The following ANKS1B variants were observed in gnomAD, a reference collection of about 807,000 sequenced individuals.
ANKS1B encodes the protein ankyrin repeat and sterile alpha motif domain containing 1B.
A neutral mutation model predicts 148.3 loss-of-function variants in ANKS1B; 36 were observed. The observed-to-expected ratio is 0.24, with a 90% CI of 0.19 to 0.32. The LOEUF (loss-of-function observed/expected upper bound fraction) is 0.32. Ranked by LOEUF, ANKS1B falls within the 10% of genes least tolerant of loss-of-function variation. The pLI, the probability that ANKS1B is intolerant of heterozygous loss-of-function variation, is 1.00. For synonymous variants in ANKS1B, 542 were observed against 560.8 expected (o/e 0.97, Z 0.47); for missense variants, 1,157 against 1,542.6 (o/e 0.75, Z 4.19).
chr12:98,895,314 C>T (rs1000686172), intron 17 of ANKS1B: 97 of 985,252 alleles, frequency 9.8e-5, no homozygotes, highest in Non-Finnish European at 1.1e-4. Flanking sequence ...CCTCCGCCGC[C>T]CCCTCCGCGC....
chr12:99,627,406 C>CA (rs1203665520), intron 9 of ANKS1B, among the ~76,000 whole-genome samples: 1 of 152,142 alleles, frequency 6.6e-6, no homozygotes, highest in African/African-American at 2.4e-5. Context: ...TGACAATTAT[C>CA]AGTTCATTTA....
chr12:99,306,500 G>A (rs762145891), intron 12 of ANKS1B, among the ~76,000 whole-genome samples: 1 of 151,954 alleles, frequency 6.6e-6, no homozygotes, highest in Non-Finnish European at 1.5e-5. Flanking sequence ...AAGGGTATTT[G>A]GAGCCCTTCA....
In ANKS1B at chr12:99,855,385, T is replaced by C. The variant is rs1002015592; in HGVS notation, c.135-29996A>G. ...TCACAATCCTAAATATATATGCACC[T>C]AACACTGGAGATCCCAAATTTATGA... On this transcript the variant is annotated intron_variant, in intron 1 of 26. Coordinates refer to ENST00000683438, the MANE Select transcript of ANKS1B (RefSeq NM_001352186.2). Among the ~76,000 whole-genome samples the C allele has an allele frequency of 3.5e-4, 53 of 152,088 alleles. 1 individual carries two copies. Among genetic ancestry groups the C allele is most frequent in the Admixed American group, 5.2e-4 (8 of 15,258 alleles).
chr12:99,690,930 T>G (rs915109631), intron 8 of ANKS1B, among the ~76,000 whole-genome samples: 2 of 152,218 alleles, frequency 1.3e-5, no homozygotes, highest in African/African-American at 4.8e-5. Flanking sequence ...ATAAGGGCTC[T>G]GCCCCTGTAG....
At chr12:99,865,786 A>G (rs1603396692) in intron 1 of ANKS1B, among the ~76,000 whole-genome samples, 2 of 152,276 alleles carry the variant, frequency 1.3e-5, no homozygotes, top group East Asian at 3.9e-4. Flanking sequence ...ACTTAAACCT[A>G]TGCCTCAGTC....
chr12:98,919,168 AT>A (rs1257799066), intron 17 of ANKS1B, among the ~76,000 whole-genome samples: 2 of 152,252 alleles, frequency 1.3e-5, no homozygotes, highest in South Asian at 2.1e-4. Context: ...CTTTTGGAAA[AT>A]GTTTTTGCTT....
At chr12:99,059,896 C>T (rs911130966) in intron 16 of ANKS1B, among the ~76,000 whole-genome samples, 1 of 151,308 alleles carries the variant, frequency 6.6e-6, no homozygotes, top group Admixed American at 6.6e-5. Context: ...TGACTGCATT[C>T]TCAAATTAGC....
intron 14 of ANKS1B, among the ~76,000 whole-genome samples, chr12:99,163,213 T>C (rs2076855595): frequency 6.6e-6 from 1 of 152,210 alleles, no homozygotes; most frequent in Admixed American, 6.6e-5. Context: ...ATTCAGTTCT[T>C]TGCCTGATAT....
chr12:99,341,929 A>C (rs1204567953), intron 12 of ANKS1B, among the ~76,000 whole-genome samples: 1 of 152,158 alleles, frequency 6.6e-6, no homozygotes, highest in Admixed American at 6.6e-5. Flanking sequence ...TCCTTAGAAG[A>C]ATATGAGTGA....
chr12:99,834,437 T>C (rs2084508051), intron 1 of ANKS1B, among the ~76,000 whole-genome samples: 1 of 152,204 alleles, frequency 6.6e-6, no homozygotes, highest in Non-Finnish European at 1.5e-5. Flanking sequence ...TCAGACAATA[T>C]GGGGTTGCCA....
intron 25 of ANKS1B, among the ~76,000 whole-genome samples, chr12:98,761,909 T>C (rs1011783601): frequency 1.3e-5 from 2 of 152,200 alleles, no homozygotes; most frequent in African/African-American, 4.8e-5. Flanking sequence ...TGACCTGCCT[T>C]GCAGTGCTTT....
chr12:99,457,364 GA>G (rs113378624), intron 10 of ANKS1B, among the ~76,000 whole-genome samples: 2 of 148,174 alleles, frequency 1.3e-5, no homozygotes, highest in East Asian at 2.0e-4. Flanking sequence ...ACAACACTAT[GA>G]AAAAAAAACC....
At chr12:99,683,682 CA>C (rs1290833493) in intron 8 of ANKS1B, among the ~76,000 whole-genome samples, 1 of 151,898 alleles carries the variant, frequency 6.6e-6, no homozygotes, top group South Asian at 2.1e-4. Context: ...CAAAAGAAAA[CA>C]AAAAACCAAT....
chr12:99,483,068 T>TTGTTCC (rs1418882693), intron 10 of ANKS1B, among the ~76,000 whole-genome samples: 3 of 151,898 alleles, frequency 2.0e-5, no homozygotes, highest in African/African-American at 7.2e-5. Context: ...CAAGCTTGTT[T>TTGTTCC]TGTTCCTGTT....
chr12:99,105,693 C>T (rs1394635517), intron 15 of ANKS1B, among the ~76,000 whole-genome samples: 4 of 142,024 alleles, frequency 2.8e-5, no homozygotes, highest in South Asian at 2.3e-4. Context: ...AGCGTGAACT[C>T]GGGAGGCAGG....
chr12:99,758,721 C>A (rs927622858), intron 8 of ANKS1B, among the ~76,000 whole-genome samples: 1 of 151,794 alleles, frequency 6.6e-6, no homozygotes, highest in African/African-American at 2.4e-5. Context: ...CTGTTCTCTA[C>A]CCTATAATGT....
intron 9 of ANKS1B, among the ~76,000 whole-genome samples, chr12:99,590,011 G>A (rs1405917860): frequency 6.6e-6 from 1 of 151,900 alleles, no homozygotes; most frequent in Non-Finnish European, 1.5e-5. Flanking sequence ...CAGTAGGGTG[G>A]TTAGTCAACA....
intron 12 of ANKS1B, among the ~76,000 whole-genome samples, chr12:99,387,022 T>C (rs1030735026): frequency 1.3e-5 from 2 of 152,352 alleles, no homozygotes; most frequent in East Asian, 3.9e-4. Context: ...ACACTGTGGA[T>C]ACACTTTATT....
At chr12:99,913,843 C>A (rs1430112924) in intron 1 of ANKS1B, among the ~76,000 whole-genome samples, 1 of 151,656 alleles carries the variant, frequency 6.6e-6, no homozygotes, top group Non-Finnish European at 1.5e-5. Context: ...AAAACTCAAA[C>A]AAGTAAAAAA....
Sources: gnomAD v4.1 joint callset for allele counts (sites outside exome capture counted in the v4.1 genomes callset) on GRCh38, gnomAD v4.1.1 for gene constraint, MANE v1.5 for transcripts, NCBI Gene and HGNC (gene_info 2026-07-23, HGNC 2026-07-21) for gene names.